Variants in KANSL2 observed in about 807,000 individuals in gnomAD.
KANSL2 encodes the protein KAT8 regulatory NSL complex subunit 2.
KANSL2 carries 34 observed loss-of-function variants against 55.6 expected under a neutral mutation model. That is an observed-to-expected ratio of 0.61 (90% CI 0.46 to 0.81). The LOEUF is 0.81. Ranked by LOEUF, KANSL2 falls within the 40% of genes least tolerant of loss-of-function variation. KANSL2 has a pLI of 0.00. For synonymous variants in KANSL2, 209 were observed against 214.3 expected (o/e 0.98, Z 0.22); for missense variants, 502 against 609.9 (o/e 0.82, Z 1.86).
At chr12:48,659,969 T>C (rs925875766) in intron 8 of KANSL2, among the ~76,000 whole-genome samples, 3 of 152,188 alleles carry the variant, frequency 2.0e-5, no homozygotes, top group Non-Finnish European at 4.4e-5. Flanking sequence ...AGTAGATTCA[T>C]CGTGGCCAGG....
chr12:48,661,330 T>G, intron 7 of KANSL2: 8 of 374,994 alleles, frequency 2.1e-5, no homozygotes, highest in Non-Finnish European at 2.6e-5. Flanking sequence ...ATTAACAACT[T>G]TTGTTAAAGG....
rs530462811 is a variant in KANSL2, at chr12:48,672,406, T to C, written c.546-444A>G. On this transcript the variant is annotated intron_variant, in intron 4 of 9. Coordinates refer to ENST00000420613, the MANE Select transcript of KANSL2 (RefSeq NM_017822.4). ...ATATATATACATGTATATATATATA[T>C]ACGTATATATATATATATATATATA... Among the ~76,000 whole-genome samples the C allele has an allele frequency of 3.8e-4, 47 of 124,140 alleles. 1 individual carries two copies. The highest frequency in any genetic ancestry group is 1.9e-3 in the Admixed American group (20 of 10,448). The allele number at this position is 124,140 out of a possible 152,430, so 81.4% of individuals were successfully genotyped here. A position where few individuals can be genotyped will look rare whatever the true frequency, so the allele number is the denominator to read the frequency against.
intron 7 of KANSL2, chr12:48,662,516 C>T: frequency 8.3e-7 from 1 of 1,206,744 alleles, no homozygotes; most frequent in Non-Finnish European, 1.1e-6. Flanking sequence ...GCTTTCCTTT[C>T]AGATGGGGCA....
Position 48,653,977 on chromosome 12 carries a change from GAT to G in KANSL2, c.*65_*66del, listed in dbSNP as rs1225674699. 1.1e-5 allele frequency: 16 copies of G among 1,454,030 alleles called. No homozygotes were observed. The highest frequency in any genetic ancestry group is 1.4e-5 in the African/African-American group (1 of 70,228). 90.1% of individuals were successfully genotyped at this position (1,454,030 alleles called of 1,614,324 possible). A position where few individuals can be genotyped will look rare whatever the true frequency, so the allele number is the denominator to read the frequency against. ...GGGTTGCCTGTGTTTTGTGAGAGATGATCAGAAATACTTCTTTGAAGAACGAG... is the reference window on the plus strand; with the variant it reads ...GGGTTGCCTGTGTTTTGTGAGAGATGCAGAAATACTTCTTTGAAGAACGAG... On this transcript the variant is annotated 3_prime_UTR_variant, in exon 10 of 10. Coordinates refer to ENST00000420613, the MANE Select transcript of KANSL2 (RefSeq NM_017822.4).
chr12:48,660,573 T>C lies in KANSL2; in HGVS notation c.1020A>G (p.Gly340=). ...TNQVLFKCCQ[G]SEEVPCNKPV... is the part of the protein sequence containing the mutation. ...GTTTGTTGCAGGGTACCTCTTCAGA[T>C]CCCTGGCAGCACTTGAAGAGAACCT... Residue 340 remains glycine (G), a synonymous_variant, in exon 8 of 10, where the codon GGA becomes GGG. Transcript: ENST00000420613. The C allele has an allele frequency of 6.2e-7, 1 of 1,613,308 alleles. No homozygotes were observed. The highest frequency in any genetic ancestry group is 8.5e-7 in the Non-Finnish European group (1 of 1,179,630).
rs909670914 is a variant in KANSL2 at position 48,682,191 on chromosome 12, G to A, written c.-14C>T. The A allele has an allele frequency of 1.0e-5, 7 of 685,098 alleles. No individual in the cohort carries two copies. The highest frequency in any genetic ancestry group is 3.5e-5 in the African/African-American group (2 of 56,760). 42.4% of individuals were successfully genotyped at this position (685,098 alleles called of 1,614,324 possible). The stretch of plus-strand genomic sequence containing the variant: ...GAAAGAGCACCGCCATCTTACCTCA[G>A]GAGCTGCGCTGCGCCGCACTCTGCC... On this transcript the variant is annotated 5_prime_UTR_variant, in exon 1 of 10. Transcript: ENST00000420613.
intron 1 of KANSL2, 94 bp downstream of exon 1, chr12:48,682,093 T>A: frequency 1.4e-6 from 1 of 703,002 alleles, no homozygotes; most frequent in Non-Finnish European, 2.6e-6. Context: ...ACTCTGACAC[T>A]GCTTTGAGGC....
At chr12:48,679,980 G>A (rs1368650981) in intron 2 of KANSL2, 147 bp from the exon 3 acceptor site, 1 of 688,230 alleles carries the variant, frequency 1.5e-6, no homozygotes, top group South Asian at 2.0e-5. Context: ...GAATTTAACT[G>A]GCCCAAGGTC....
intron 6 of KANSL2, 137 bp from the exon 7 acceptor site, chr12:48,667,926 TG>T: frequency 1.5e-6 from 1 of 645,342 alleles, no homozygotes; most frequent in Non-Finnish European, 2.7e-6. Context: ...ACCAATATTA[TG>T]CAAAAGACAA....
intron 4 of KANSL2, among the ~76,000 whole-genome samples, chr12:48,675,322 C>T (rs1214785682): frequency 6.6e-6 from 1 of 152,104 alleles, no homozygotes; most frequent in African/African-American, 2.4e-5. Flanking sequence ...AGAAGAATTG[C>T]TTGAACCCAG....
At chr12:48,665,855 T>C (rs1262969123) in intron 7 of KANSL2, among the ~76,000 whole-genome samples, 1 of 152,186 alleles carries the variant, frequency 6.6e-6, no homozygotes, top group East Asian at 1.9e-4. Flanking sequence ...AGCAAACTTC[T>C]AATTTGAATG....
chr12:48,666,976 C>A (rs1400481542), intron 7 of KANSL2, among the ~76,000 whole-genome samples: 2 of 151,204 alleles, frequency 1.3e-5, no homozygotes, highest in Admixed American at 1.3e-4. Context: ...AGGTCAGGAG[C>A]TCGAGACCAG....
At position 48,654,280 on chromosome 12, in the gene KANSL2, C is replaced by T. The variant is rs1442325841; in HGVS notation, c.1348-105G>A. 4.3e-6 allele frequency: 5 copies of T among 1,162,478 alleles called. No homozygotes were observed. In the East Asian group the frequency reaches 7.0e-5, roughly 16 times the overall value. The allele number at this position is 1,162,478 out of a possible 1,614,324, so 72.0% of individuals were successfully genotyped here. ...ACTTAAACTAGCAATAAGAACAATA[C>T]AACAGAAATTAATTCTGGACAGATG... On this transcript the variant is annotated intron_variant, in intron 9 of 9. Coordinates refer to ENST00000420613, the MANE Select transcript of KANSL2 (RefSeq NM_017822.4).
chr12:48,661,195 C>CTT, intron 7 of KANSL2: 19 of 856,124 alleles, frequency 2.2e-5, no homozygotes, highest in Admixed American at 6.3e-5. Context: ...ATATACATGC[C>CTT]TTTTTTTTTT....
chr12:48,662,551 T>G (rs1416922049), intron 7 of KANSL2: 3 of 1,270,414 alleles, frequency 2.4e-6, no homozygotes, highest in South Asian at 1.3e-5. Context: ...AAGGGAATGG[T>G]TAACCTACAA....
intron 7 of KANSL2, among the ~76,000 whole-genome samples, chr12:48,663,594 C>T (rs1939528778): frequency 6.6e-6 from 1 of 152,092 alleles, no homozygotes; most frequent in African/African-American, 2.4e-5. Context: ...AGAATAAGGA[C>T]CTCTATGATA....
chr12:48,654,635 T>A, intron 9 of KANSL2: 1 of 513,448 alleles, frequency 1.9e-6, no homozygotes, highest in Admixed American at 2.7e-5. Flanking sequence ...TTTCCCTAGA[T>A]TCCTTGTCTC....
rs1939943733 is a variant in KANSL2, at chr12:48,682,193, A to G, written c.-16T>C. 1.5e-6 allele frequency: 1 copy of G among 683,910 alleles called. No individual in the cohort carries two copies. The highest frequency in any genetic ancestry group is 2.7e-6 in the Non-Finnish European group (1 of 375,138). The allele number at this position is 683,910 out of a possible 1,614,324, so 42.4% of individuals were successfully genotyped here. On this transcript the variant is annotated 5_prime_UTR_variant, in exon 1 of 10. Coordinates refer to ENST00000420613, the MANE Select transcript of KANSL2 (RefSeq NM_017822.4). ...AAGAGCACCGCCATCTTACCTCAGG[A>G]GCTGCGCTGCGCCGCACTCTGCCGC... is the stretch of plus-strand genomic sequence containing the variant.
chr12:48,680,745 G>C (rs1392646894), intron 2 of KANSL2, among the ~76,000 whole-genome samples: 5 of 152,174 alleles, frequency 3.3e-5, no homozygotes, highest in Admixed American at 2.6e-4. Flanking sequence ...GGGAGGCCGA[G>C]GCGGATGGAT....
Sources: allele counts gnomAD v4.1 joint callset (sites outside exome capture counted in the v4.1 genomes callset), GRCh38; gene constraint gnomAD v4.1.1; transcripts MANE v1.5; gene names NCBI Gene and HGNC (gene_info 2026-07-23, HGNC 2026-07-21).